CEP112: variants seen among roughly 807,000 people sequenced by gnomAD.
CEP112 encodes the protein centrosomal protein 112, also known as centrosomal protein of 112 kDa.
Under a neutral mutation model 153.0 loss-of-function variants are expected in CEP112, and 127 were observed. That is an observed-to-expected ratio of 0.83 (90% CI 0.72 to 0.96). The LOEUF (loss-of-function observed/expected upper bound fraction) is 0.96. Ranked by LOEUF, CEP112 falls within the 40% of genes least tolerant of loss-of-function variation. The pLI is 0.00. For synonymous variants in CEP112, 358 were observed against 374.4 expected (o/e 0.96, Z 0.51); for missense variants, 1,089 against 1,101.2 (o/e 0.99, Z 0.16).
intron 16 of CEP112, among the ~76,000 whole-genome samples, chr17:66,025,849 A>G (rs1764190102): frequency 1.3e-5 from 2 of 151,698 alleles, no homozygotes; most frequent in South Asian, 4.2e-4. Context: ...TCACAGCATG[A>G]TTCACAATAG....
intron 20 of CEP112, among the ~76,000 whole-genome samples, chr17:65,888,528 T>C (rs1019398442): frequency 6.6e-6 from 1 of 152,168 alleles, no homozygotes; most frequent in African/African-American, 2.4e-5. Flanking sequence ...TCATTATTCA[T>C]TTAAGTTTTA....
chr17:65,965,361 T>C (rs956145333), intron 17 of CEP112, among the ~76,000 whole-genome samples: 16 of 152,184 alleles, frequency 1.1e-4, no homozygotes, highest in African/African-American at 3.9e-4. Context: ...GGGAAATATG[T>C]AAAATCTGGT....
At chr17:65,703,991 C>G (rs1360039644) in intron 23 of CEP112, among the ~76,000 whole-genome samples, 1 of 151,918 alleles carries the variant, frequency 6.6e-6, no homozygotes, top group Non-Finnish European at 1.5e-5. Context: ...TACCTCAGAA[C>G]GTGGCCTTAT....
intron 21 of CEP112, among the ~76,000 whole-genome samples, chr17:65,825,695 T>C (rs1051058829): frequency 6.6e-6 from 1 of 151,356 alleles, no homozygotes; most frequent in Non-Finnish European, 1.5e-5. Flanking sequence ...TAACTTAAAA[T>C]TAATTAATTA....
At chr17:65,660,505 TC>T (rs2046334661) in intron 24 of CEP112, among the ~76,000 whole-genome samples, 1 of 112,660 alleles carries the variant, frequency 8.9e-6, no homozygotes, top group African/African-American at 3.6e-5. Flanking sequence ...CTTCCTTCCT[TC>T]CTTCCTTCCT....
intron 21 of CEP112, among the ~76,000 whole-genome samples, chr17:65,828,980 CAGGCTT>C (rs1317621046): frequency 1.3e-5 from 2 of 151,908 alleles, no homozygotes; most frequent in African/African-American, 4.8e-5. Flanking sequence ...TAGATAACCA[CAGGCTT>C]TCAGGAAGGT....
At chr17:66,040,935 G>A (rs907736587) in intron 12 of CEP112, among the ~76,000 whole-genome samples, 1 of 152,020 alleles carries the variant, frequency 6.6e-6, no homozygotes, top group Non-Finnish European at 1.5e-5. Flanking sequence ...GATATTCTAA[G>A]ATTTCCTCTT....
intron 4 of CEP112, among the ~76,000 whole-genome samples, chr17:66,136,935 G>A (rs1250750666): frequency 7.2e-5 from 11 of 152,082 alleles, no homozygotes; most frequent in Middle Eastern, 3.2e-3. Flanking sequence ...TGGGAGAAGC[G>A]GCTGTTTTTC....
intron 21 of CEP112, among the ~76,000 whole-genome samples, chr17:65,777,631 T>G (rs1395841709): frequency 2.0e-5 from 3 of 152,092 alleles, no homozygotes; most frequent in Non-Finnish European, 4.4e-5. Context: ...TGGTTGAAGT[T>G]CTCCTCCCCT....
chr17:65,989,817 C>A (rs1222855660), intron 17 of CEP112, among the ~76,000 whole-genome samples: 1 of 152,102 alleles, frequency 6.6e-6, no homozygotes, highest in Non-Finnish European at 1.5e-5. Flanking sequence ...CCTACAGGAA[C>A]CTGTTAAGAG....
chr17:66,149,888 G>GTTTTTTTTTTTTTTTTTTTTTTTTTTTT (rs71160535), intron 4 of CEP112, among the ~76,000 whole-genome samples: 1 of 54,710 alleles, frequency 1.8e-5, no homozygotes, highest in Non-Finnish European at 3.1e-5. Flanking sequence ...TTGTTTGTTT[G>GTTTTTTTTTTTTTTTTTTTTTTTTTTTT]TTTTTTTTTT....
At chr17:65,740,845 T>C (rs1400396323) in intron 23 of CEP112, among the ~76,000 whole-genome samples, 1 of 152,198 alleles carries the variant, frequency 6.6e-6, no homozygotes, top group Non-Finnish European at 1.5e-5. Flanking sequence ...CACTTAAATA[T>C]AATCAGAATG....
chr17:65,805,893 T>C (rs1350756084), intron 21 of CEP112, among the ~76,000 whole-genome samples: 3 of 152,256 alleles, frequency 2.0e-5, no homozygotes, highest in Non-Finnish European at 4.4e-5. Context: ...CACTTTAGTT[T>C]TCCTGTTTCA....
chr17:66,122,834 C>A (rs1456857749), intron 6 of CEP112, among the ~76,000 whole-genome samples: 2 of 152,036 alleles, frequency 1.3e-5, no homozygotes, highest in African/African-American at 4.8e-5. Context: ...TGTCTCTGTC[C>A]CTGGTTCTCT....
chr17:65,715,730 C>T (rs544951010), intron 23 of CEP112, among the ~76,000 whole-genome samples: 16 of 152,282 alleles, frequency 1.1e-4, no homozygotes, highest in Middle Eastern at 3.4e-3. Flanking sequence ...AGATTACAGG[C>T]GTAAGCCACT....
At chr17:65,683,438 A>G (rs2047626603) in intron 24 of CEP112, among the ~76,000 whole-genome samples, 1 of 152,228 alleles carries the variant, frequency 6.6e-6, no homozygotes, top group Non-Finnish European at 1.5e-5. Context: ...GCAGAAAACC[A>G]AAGAGGACCC....
chr17:66,108,527 G>A (rs978652424), intron 6 of CEP112, among the ~76,000 whole-genome samples: 25 of 152,096 alleles, frequency 1.6e-4, no homozygotes, highest in African/African-American at 4.6e-4. Flanking sequence ...TAACATTACT[G>A]ATCATCAGAT....
intron 21 of CEP112, among the ~76,000 whole-genome samples, chr17:65,792,275 C>A (rs1340774787): frequency 1.3e-5 from 2 of 152,206 alleles, no homozygotes; most frequent in Non-Finnish European, 2.9e-5. Flanking sequence ...AAAAAACCTT[C>A]TGGCACCAAA....
chr17:65,772,646 C>A (rs956376996), intron 21 of CEP112, among the ~76,000 whole-genome samples: 1 of 151,630 alleles, frequency 6.6e-6, no homozygotes, highest in African/African-American at 2.4e-5. Context: ...CCCTGATATA[C>A]CCCTCTGCAC....
Sources: allele counts gnomAD v4.1 joint callset (sites outside exome capture counted in the v4.1 genomes callset), GRCh38; gene constraint gnomAD v4.1.1; transcripts MANE v1.5; gene names NCBI Gene and HGNC (gene_info 2026-07-23, HGNC 2026-07-21).